ZEB2: variants seen among roughly 807,000 people sequenced by gnomAD.
ZEB2 encodes zinc finger E-box-binding homeobox 2.
Under a neutral mutation model 99.9 loss-of-function variants are expected in ZEB2, and 6 were observed. That is an observed-to-expected ratio of 0.06 (90% CI 0.03 to 0.12). The LOEUF (loss-of-function observed/expected upper bound fraction) is 0.12, where lower values mean the gene tolerates loss of function less well. Among genes scored for constraint, ZEB2 ranks in the 10% least tolerant of loss-of-function variants. The probability of loss-of-function intolerance (pLI) is 1.00; values close to 1 mark genes in which losing one functional copy is unlikely to be tolerated. For synonymous variants in ZEB2, 517 were observed against 542.5 expected, an observed-to-expected ratio of 0.95 and a Z score of 0.65; for missense variants, 969 against 1,502.8, an observed-to-expected ratio of 0.64 and a Z score of 5.87.
chr2:144,519,814 C>A (rs1027983106), intron 1 of ZEB2, 125 bp downstream of exon 1: 1 of 361,276 alleles, frequency 2.8e-6, no homozygotes, highest in African/African-American at 2.1e-5. Context: ...TTCCTACCCA[C>A]GGACACCCCT....
At chr2:144,420,165 G>A (rs1703600737) in intron 4 of ZEB2, among the ~76,000 whole-genome samples, 1 of 152,286 alleles carries the variant, frequency 6.6e-6, no homozygotes, top group East Asian at 1.9e-4. Context: ...GCTTGTTGAG[G>A]CAAATGGAAT....
chr2:144,395,139 G>T (rs111563678), intron 9 of ZEB2, among the ~76,000 whole-genome samples: 1,584 of 151,924 alleles, frequency 0.01, 15 homozygotes, highest in Non-Finnish European at 0.016. Context: ...GGGACTACAG[G>T]CTTGAGCTAC....
chr2:144,488,896 C>A (rs1704637334), intron 2 of ZEB2, among the ~76,000 whole-genome samples: 2 of 152,116 alleles, frequency 1.3e-5, no homozygotes, highest in African/African-American at 2.4e-5. Flanking sequence ...AAGTGTTGTT[C>A]TTTCTCCAGC....
Position 144,474,306 on chromosome 2 carries a change from T to C in ZEB2, c.73+42972A>G, listed in dbSNP as rs562948948. Among the ~76,000 whole-genome samples, 35 of 152,330 alleles carry C rather than the reference T, an allele frequency of 2.3e-4. 1 individual carries two copies. Among genetic ancestry groups the C allele is most frequent in the African/African-American group, 7.7e-4 (32 of 41,584 alleles). On this transcript the variant is annotated intron_variant, in intron 2 of 9. Coordinates refer to ENST00000627532, the MANE Select transcript of ZEB2 (RefSeq NM_014795.4). ...GTGTTGTCTCCTTATCTACCTCTTA[T>C]GTGCTTCCGAATCAAAGAATGTCAA...
At chr2:144,494,517 T>A (rs186645506) in intron 2 of ZEB2, 20 of 152,324 alleles carry the variant, frequency 1.3e-4, no homozygotes, top group African/African-American at 4.6e-4. Flanking sequence ...AAGGTACACA[T>A]CTCTAAGTTC....
chr2:144,436,461 G>A (rs1248351225), intron 2 of ZEB2, among the ~76,000 whole-genome samples: 11 of 152,114 alleles, frequency 7.2e-5, no homozygotes, highest in Admixed American at 4.6e-4. Flanking sequence ...AAAAAAATAC[G>A]CATATTAAAT....
intron 3 of ZEB2, among the ~76,000 whole-genome samples, chr2:144,425,226 C>G (rs1703675989): frequency 6.6e-6 from 1 of 152,206 alleles, no homozygotes; most frequent in Admixed American, 6.5e-5. Context: ...ATGCTGGCTG[C>G]TATGCCTCTG....
chr2:144,407,294 G>C (rs1703400714), intron 4 of ZEB2, among the ~76,000 whole-genome samples: 1 of 152,248 alleles, frequency 6.6e-6, no homozygotes, highest in South Asian at 2.1e-4. Flanking sequence ...GGAATGTACA[G>C]TAGTGGATTA....
intron 2 of ZEB2, among the ~76,000 whole-genome samples, chr2:144,498,211 A>G (rs1035822): frequency 0.76 from 95,503 of 125,746 alleles, 39,701 homozygotes; most frequent in East Asian, 0.94. Context: ...CTAAGCTCAT[A>G]GGGCACTACG....
At chr2:144,509,660 T>C (rs1231113854) in intron 2 of ZEB2, among the ~76,000 whole-genome samples, 3 of 152,066 alleles carry the variant, frequency 2.0e-5, no homozygotes, top group African/African-American at 7.2e-5. Flanking sequence ...ATTGTATCCT[T>C]AATCTAATTG....
chr2:144,517,942 C>T (rs1020121574), intron 1 of ZEB2: 3 of 347,832 alleles, frequency 8.6e-6, no homozygotes, highest in Non-Finnish European at 1.6e-5. Flanking sequence ...CCCACTCGCC[C>T]AGCGCCCCCT....
intron 4 of ZEB2, among the ~76,000 whole-genome samples, chr2:144,423,757 T>G (rs976848598): frequency 2.2e-4 from 33 of 152,350 alleles, no homozygotes; most frequent in African/African-American, 7.7e-4. Context: ...GAATTCATGC[T>G]TTTAAGTTAT....
At chr2:144,404,699 T>C in intron 5 of ZEB2, 137 bp downstream of exon 5, 1 of 1,190,738 alleles carries the variant, frequency 8.4e-7, no homozygotes, top group South Asian at 1.5e-5. Context: ...ATTACAGTTC[T>C]AATCTTTGCT....
chr2:144,458,479 A>C (rs1026923393), intron 2 of ZEB2, among the ~76,000 whole-genome samples: 1 of 152,114 alleles, frequency 6.6e-6, no homozygotes, highest in African/African-American at 2.4e-5. Context: ...TGATTATCAC[A>C]GTATTCACCT....
chr2:144,424,413 T>G, intron 4 of ZEB2: 1 of 523,742 alleles, frequency 1.9e-6, no homozygotes, highest in South Asian at 1.4e-5. Flanking sequence ...CACCTTATCA[T>G]TTGAATTCTC....
At chr2:144,457,918 T>C (rs575320197) in intron 2 of ZEB2, among the ~76,000 whole-genome samples, 76 of 152,280 alleles carry the variant, frequency 5.0e-4, no homozygotes, top group African/African-American at 1.7e-3. Context: ...CTTTCAGGAT[T>C]TGAGGTTAGG....
chr2:144,435,569 A>G (rs1332640663), intron 2 of ZEB2, among the ~76,000 whole-genome samples: 1 of 151,660 alleles, frequency 6.6e-6, no homozygotes, highest in Non-Finnish European at 1.5e-5. Flanking sequence ...ACTGCACTCC[A>G]GCCTGGGCAA....
intron 9 of ZEB2, among the ~76,000 whole-genome samples, chr2:144,393,301 G>A (rs1463810897): frequency 6.6e-6 from 1 of 152,090 alleles, no homozygotes; most frequent in Non-Finnish European, 1.5e-5. Context: ...TATCTGCCTA[G>A]GAAATAAATT....
Position 144,389,688 on chromosome 2 carries a change from G to C in ZEB2, c.3408C>G (p.Ser1136Arg), listed in dbSNP as rs1060500655. The C allele has an allele frequency of 2.7e-5, 43 of 1,613,700 alleles. No homozygotes were observed. The highest frequency in any genetic ancestry group is 3.5e-5 in the Non-Finnish European group (41 of 1,179,936). Reference protein sequence around the residue: ...ERESMPRDGESEKEHEKEGED... With the variant: ...ERESMPRDGEREKEHEKEGED... ...CGCCTTCTTTCTCGTGCTCCTTCTC[G>C]CTCTCGCCATCCCTCGGCATACTCT... Residue 1136 changes from serine (S) to arginine (R), a missense_variant, in exon 10 of 10, where the codon AGC becomes AGG. Ser to Arg is a moderately radical substitution (Grantham distance 110). Around this residue, in one of 8 missense-constraint regions of ZEB2, gnomAD observed 121 missense variants for 166.4 expected, o/e 0.73. Coordinates refer to ENST00000627532, the MANE Select transcript of ZEB2 (RefSeq NM_014795.4). The surrounding 1 kb of genome is among the most constrained non-coding windows in gnomAD (Gnocchi z 6.8).
Sources: allele counts gnomAD v4.1 joint callset (sites outside exome capture counted in the v4.1 genomes callset), GRCh38; gene constraint gnomAD v4.1.1; regional missense constraint gnomAD v4.1.1; non-coding constraint Gnocchi (gnomAD v3.1); transcripts MANE v1.5; gene names NCBI Gene and HGNC (gene_info 2026-07-23, HGNC 2026-07-21).